Variants in NFKB1 observed in about 807,000 individuals in gnomAD.
NFKB1 encodes the protein nuclear factor NF-kappa-B p105 subunit.
NFKB1 carries 9 observed loss-of-function variants against 105.1 expected under a neutral mutation model. The observed-to-expected ratio is 0.09, with a 90% CI of 0.05 to 0.15. The LOEUF (loss-of-function observed/expected upper bound fraction) is 0.15, where lower values mean the gene tolerates loss of function less well. Ranked by LOEUF, NFKB1 falls within the 10% of genes least tolerant of loss-of-function variation. The probability of loss-of-function intolerance (pLI) is 1.00; values close to 1 mark genes in which losing one functional copy is unlikely to be tolerated. For synonymous variants in NFKB1, 440 were observed against 442.2 expected, an observed-to-expected ratio of 1.00 and a Z score of 0.06; for missense variants, 830 against 1,203.7, an observed-to-expected ratio of 0.69 and a Z score of 4.59.
intron 5 of NFKB1, among the ~76,000 whole-genome samples, chr4:102,543,604 TA>T (rs768927474): frequency 0.031 from 4,080 of 133,136 alleles, 164 homozygotes; most frequent in African/African-American, 0.092. Context: ...ACTACTGATT[TA>T]AAAAAAAAAA....
At chr4:102,539,631 T>C (rs1246241782) in intron 5 of NFKB1, among the ~76,000 whole-genome samples, 1 of 152,190 alleles carries the variant, frequency 6.6e-6, no homozygotes, top group African/African-American at 2.4e-5. Context: ...TTGCACTTAT[T>C]AAACACCAAA....
At chr4:102,510,680 A>AT (rs1447064427) in intron 1 of NFKB1, among the ~76,000 whole-genome samples, 12 of 152,272 alleles carry the variant, frequency 7.9e-5, no homozygotes, top group Admixed American at 4.6e-4. Context: ...CTGGTGTTGC[A>AT]TTTTTTCATT....
intron 17 of NFKB1, 128 bp from the exon 18 acceptor site, chr4:102,607,019 GAAC>G (rs1299420451): frequency 9.6e-6 from 9 of 934,586 alleles, no homozygotes; most frequent in Non-Finnish European, 1.6e-5. Flanking sequence ...CTTCAAAGCA[GAAC>G]AATAGACTTA....
chr4:102,564,184 C>T (rs1723667213), intron 5 of NFKB1, among the ~76,000 whole-genome samples: 1 of 152,102 alleles, frequency 6.6e-6, no homozygotes, highest in Non-Finnish European at 1.5e-5. Flanking sequence ...CTAACAGACA[C>T]AGTTGCTCTC....
intron 5 of NFKB1, among the ~76,000 whole-genome samples, chr4:102,544,122 G>A (rs1435298463): frequency 2.0e-5 from 3 of 147,766 alleles, no homozygotes; most frequent in African/African-American, 7.8e-5. Context: ...GTATGTATGT[G>A]CATTTTTTCT....
chr4:102,578,102 C>A, intron 7 of NFKB1: 1 of 481,606 alleles, frequency 2.1e-6, no homozygotes, highest in Non-Finnish European at 2.7e-6. Flanking sequence ...ACTTTCCTGC[C>A]TTGGCACATT....
chr4:102,568,118 G>A (rs145477086), intron 6 of NFKB1, among the ~76,000 whole-genome samples: 317 of 152,268 alleles, frequency 2.1e-3, no homozygotes, highest in African/African-American at 7.2e-3. Context: ...GCTGATGGTT[G>A]CATTTCAGGC....
rs559510260 is a variant in NFKB1 at position 102,509,623 on chromosome 4, A to G, written c.-8+7835A>G. Among the ~76,000 whole-genome samples the G allele has an allele frequency of 2.0e-5, 3 of 152,078 alleles. 1 individual carries two copies. The South Asian group carries it at 6.2e-4, about 32-fold the overall frequency. On this transcript the variant is annotated intron_variant, in intron 1 of 23. Transcript: ENST00000226574. ...AAATTTCTCATCATCCTTGATCCCC[A>G]CCCCTTTGCACAGATTGGTATCCCC...
chr4:102,568,825 G>A (rs1724084683), intron 6 of NFKB1, among the ~76,000 whole-genome samples: 1 of 152,038 alleles, frequency 6.6e-6, no homozygotes, highest in African/African-American at 2.4e-5. Flanking sequence ...AGTGCAGTGG[G>A]TTGTGGGCTC....
chr4:102,577,703 T>TC, intron 7 of NFKB1: 1 of 354,584 alleles, frequency 2.8e-6, no homozygotes, highest in Non-Finnish European at 3.9e-6. Flanking sequence ...CTAAATATAC[T>TC]CCATCTTCTG....
chr4:102,596,405 G>T (rs1382408965), intron 14 of NFKB1, 73 bp downstream of exon 14: 4 of 1,222,290 alleles, frequency 3.3e-6, no homozygotes, highest in Non-Finnish European at 4.4e-6. Flanking sequence ...AAAGATATCT[G>T]CTAATCTAAA....
chr4:102,591,529 G>C (rs181821543), intron 11 of NFKB1, among the ~76,000 whole-genome samples: 42 of 151,912 alleles, frequency 2.8e-4, no homozygotes, highest in South Asian at 8.3e-4. Context: ...GAGCTCTTAA[G>C]AATTATGCCA....
chr4:102,525,760 T>C (rs1740870959), intron 2 of NFKB1, among the ~76,000 whole-genome samples: 1 of 152,214 alleles, frequency 6.6e-6, no homozygotes, highest in Non-Finnish European at 1.5e-5. Context: ...TTCACACATA[T>C]TGTTGCACAA....
chr4:102,598,706 A>G (rs4648078), intron 15 of NFKB1, among the ~76,000 whole-genome samples: 92 of 152,264 alleles, frequency 6.0e-4, no homozygotes, highest in Non-Finnish European at 1.2e-3. Context: ...AAGAAAAAGC[A>G]GTTAACCAAG....
rs981584543 is a variant in NFKB1 at position 102,616,543 on chromosome 4, C to T, written c.2859C>T (p.Asn953=). 6.2e-7 allele frequency: 1 copy of T among 1,614,116 alleles called. No homozygotes were observed. Among genetic ancestry groups the T allele is most frequent in the African/African-American group, 1.3e-5 (1 of 75,028 alleles). ...LTSGASLLTL[N]KMPHDYGQEG... ...GTGGTGCCTCACTGCTAACTCTCAACAAAATGCCCCATGATTATGGGCAGG... is the reference window on the plus strand; with the variant it reads ...GTGGTGCCTCACTGCTAACTCTCAATAAAATGCCCCATGATTATGGGCAGG... Residue 953 remains asparagine (N), a synonymous_variant, in exon 24 of 24, where the codon AAC becomes AAT. Coordinates refer to ENST00000226574, the MANE Select transcript of NFKB1 (RefSeq NM_003998.4).
intron 6 of NFKB1, among the ~76,000 whole-genome samples, chr4:102,575,529 G>A (rs1019902674): frequency 8.6e-5 from 13 of 151,824 alleles, no homozygotes; most frequent in African/African-American, 2.4e-4. Context: ...CTGACAACTT[G>A]CTCATTTCAC....
intron 11 of NFKB1, among the ~76,000 whole-genome samples, chr4:102,590,440 G>C (rs550770798): frequency 9.2e-5 from 14 of 152,132 alleles, no homozygotes; most frequent in Non-Finnish European, 1.8e-4. Context: ...TGGCAATAGT[G>C]TCAAGAAAGT....
At chr4:102,524,128 T>C (rs555159568) in intron 1 of NFKB1, among the ~76,000 whole-genome samples, 1 of 152,264 alleles carries the variant, frequency 6.6e-6, no homozygotes, top group South Asian at 2.1e-4. Flanking sequence ...TAAAATTTGA[T>C]CTAAATAAAT....
At chr4:102,595,120 C>T (rs1726500022) in intron 13 of NFKB1, 139 bp downstream of exon 13, 2 of 545,872 alleles carry the variant, frequency 3.7e-6, no homozygotes, top group Non-Finnish European at 6.5e-6. Flanking sequence ...TAAGAAGATA[C>T]TTTTCCCAAA....
Sources: allele counts gnomAD v4.1 joint callset (sites outside exome capture counted in the v4.1 genomes callset), GRCh38; gene constraint gnomAD v4.1.1; transcripts MANE v1.5; gene names NCBI Gene and HGNC (gene_info 2026-07-23, HGNC 2026-07-21).